SUMF1: variants seen among roughly 807,000 people sequenced by gnomAD.
The protein encoded by SUMF1 is formylglycine-generating enzyme.
SUMF1 carries 48 observed loss-of-function variants against 47.6 expected under a neutral mutation model. The ratio of observed to expected loss-of-function variants is 1.01; its 90% confidence interval spans 0.80 to 1.28. The LOEUF is 1.28. SUMF1 is among the 50% of genes most tolerant of loss of function. The pLI, the probability that SUMF1 is intolerant of heterozygous loss-of-function variation, is 0.00. For missense variants in SUMF1, 571 were observed against 485.4 expected (o/e 1.18, Z -1.66); for synonymous variants, 230 against 192.1 (o/e 1.20, Z -1.63).
intron 8 of SUMF1, among the ~76,000 whole-genome samples, chr3:4,072,168 T>C (rs1199955314): frequency 6.6e-6 from 1 of 152,094 alleles, no homozygotes; most frequent in Non-Finnish European, 1.5e-5. Context: ...GGAGTGGACC[T>C]CCAGCAAACT....
At chr3:4,389,514 G>C (rs78359082) in intron 7 of SUMF1, among the ~76,000 whole-genome samples, 3 of 152,106 alleles carry the variant, frequency 2.0e-5, no homozygotes, top group African/African-American at 7.2e-5. Context: ...CCAAACTGGA[G>C]GTGCTTTCAG....
At chr3:4,055,975 A>G (rs1695185887) in intron 9 of SUMF1, among the ~76,000 whole-genome samples, 1 of 152,080 alleles carries the variant, frequency 6.6e-6, no homozygotes, top group African/African-American at 2.4e-5. Flanking sequence ...ACAGGCCAAG[A>G]CTTCCTGATG....
chr3:4,288,100 T>C (rs1697670528), intron 8 of SUMF1, among the ~76,000 whole-genome samples: 1 of 152,188 alleles, frequency 6.6e-6, no homozygotes, highest in Non-Finnish European at 1.5e-5. Flanking sequence ...TCTAGGTCTA[T>C]GACCATTTAG....
At chr3:4,079,369 T>C (rs1559453019) in intron 8 of SUMF1, among the ~76,000 whole-genome samples, 1 of 152,042 alleles carries the variant, frequency 6.6e-6, no homozygotes, top group East Asian at 1.9e-4. Flanking sequence ...TGGTAGTAGA[T>C]GCCTGGAGTG....
At chr3:4,149,046 G>A (rs754990196) in intron 8 of SUMF1, among the ~76,000 whole-genome samples, 50 of 152,090 alleles carry the variant, frequency 3.3e-4, no homozygotes, top group Non-Finnish European at 1.6e-4. Flanking sequence ...GAAATCTCAC[G>A]TTTCAACAAT....
intron 9 of SUMF1, among the ~76,000 whole-genome samples, chr3:4,064,426 G>A (rs921968903): frequency 6.6e-6 from 1 of 152,122 alleles, no homozygotes; most frequent in Non-Finnish European, 1.5e-5. Context: ...TTCTGGGTTT[G>A]CTTGCCCCTT....
intron 8 of SUMF1, among the ~76,000 whole-genome samples, chr3:4,097,356 C>A (rs1472036624): frequency 6.6e-6 from 1 of 152,022 alleles, no homozygotes; most frequent in Non-Finnish European, 1.5e-5. Context: ...AGTTCAAGAC[C>A]AGCCTGGCCA....
At chr3:4,293,084 C>G (rs12629840) in intron 8 of SUMF1, among the ~76,000 whole-genome samples, 50,878 of 151,868 alleles carry the variant, frequency 0.34, 9,502 homozygotes, top group Non-Finnish European at 0.43. Context: ...GCTAAATGAA[C>G]AACTAAATGA....
chr3:4,316,046 CAAAAAAAAA>C (rs774059331), intron 8 of SUMF1, among the ~76,000 whole-genome samples: 1 of 76,886 alleles, frequency 1.3e-5, no homozygotes, highest in Non-Finnish European at 2.7e-5. Flanking sequence ...GACTCTGTCT[CAAAAAAAAA>C]AAAAAAAAAA....
chr3:4,290,048 C>T (rs1456669721), intron 8 of SUMF1, among the ~76,000 whole-genome samples: 1 of 152,208 alleles, frequency 6.6e-6, no homozygotes, highest in African/African-American at 2.4e-5. Context: ...GAGTGGCACA[C>T]TGTAGCCATT....
At chr3:4,447,023 G>T (rs901890601) in intron 3 of SUMF1, among the ~76,000 whole-genome samples, 1 of 152,144 alleles carries the variant, frequency 6.6e-6, no homozygotes, top group Admixed American at 6.5e-5. Flanking sequence ...ACAGAGAGGG[G>T]TGATGATTAG....
chr3:4,313,231 T>C lies in SUMF1; in HGVS notation c.1014+63099A>G. 3 of 1,613,660 alleles carry C rather than the reference T, an allele frequency of 1.9e-6. No homozygotes were observed. In the South Asian group the frequency reaches 3.3e-5, roughly 18 times the overall value. On this transcript the variant is annotated intron_variant and NMD_transcript_variant, in intron 8 of 12. Transcript: ENST00000448413. ...CTTGGAATTTATACCGAAAGGAAGG[T>C]TTGTCTGTGAATATGCTGGTGAGGT...
At chr3:4,120,527 G>A (rs967446198) in intron 8 of SUMF1, among the ~76,000 whole-genome samples, 1 of 152,054 alleles carries the variant, frequency 6.6e-6, no homozygotes, top group African/African-American at 2.4e-5. Context: ...CTACCTGTTG[G>A]GAAAATAATC....
chr3:4,310,954 C>A (rs1346763405), intron 8 of SUMF1, among the ~76,000 whole-genome samples: 3 of 152,160 alleles, frequency 2.0e-5, no homozygotes, highest in African/African-American at 7.2e-5. Flanking sequence ...CTTTAAAAAG[C>A]TGAAAGTAGA....
intron 8 of SUMF1, among the ~76,000 whole-genome samples, chr3:4,194,570 A>T (rs772074254): frequency 2.6e-5 from 4 of 152,170 alleles, no homozygotes; most frequent in Non-Finnish European, 5.9e-5. Context: ...AACAGTCCAG[A>T]ATTTACTATA....
intron 8 of SUMF1, among the ~76,000 whole-genome samples, chr3:4,245,303 G>T (rs955356030): frequency 1.3e-5 from 2 of 151,454 alleles, no homozygotes; most frequent in African/African-American, 4.9e-5. Flanking sequence ...TATTCCTTTG[G>T]AGGAGAAGAG....
intron 8 of SUMF1, among the ~76,000 whole-genome samples, chr3:4,253,902 G>T (rs927685368): frequency 6.7e-6 from 1 of 150,052 alleles, no homozygotes; most frequent in Non-Finnish European, 1.5e-5. Context: ...CTCCCAGCAC[G>T]CAGCTGGAGA....
At chr3:4,094,270 A>T (rs1158659189) in intron 8 of SUMF1, among the ~76,000 whole-genome samples, 1 of 152,032 alleles carries the variant, frequency 6.6e-6, no homozygotes, top group Non-Finnish European at 1.5e-5. Context: ...TCCTTCAACA[A>T]GTATTTATTG....
At chr3:4,418,409 G>T (rs1369704789) in intron 4 of SUMF1, among the ~76,000 whole-genome samples, 3 of 152,220 alleles carry the variant, frequency 2.0e-5, no homozygotes, top group Admixed American at 6.5e-5. Flanking sequence ...TCATTGGTAT[G>T]GCAGATGCGG....
Sources: allele counts gnomAD v4.1 joint callset (sites outside exome capture counted in the v4.1 genomes callset), GRCh38; gene constraint gnomAD v4.1.1; transcripts MANE v1.5; gene names NCBI Gene and HGNC (gene_info 2026-07-23, HGNC 2026-07-21).